ADGRE1: variants seen among roughly 807,000 people sequenced by gnomAD.
The protein encoded by ADGRE1 is adhesion G protein-coupled receptor E1, also known as EGF-like module receptor 1.
In ADGRE1, 82 loss-of-function variants were observed where a neutral mutation model predicts 102.7. That is an observed-to-expected ratio of 0.80 (90% CI 0.67 to 0.96). The LOEUF (loss-of-function observed/expected upper bound fraction) is 0.96, where lower values mean the gene tolerates loss of function less well. ADGRE1 is among the 40% of genes least tolerant of loss of function. ADGRE1 has a pLI of 0.00. For missense variants in ADGRE1, 1,032 were observed against 1,085.3 expected, an observed-to-expected ratio of 0.95 and a Z score of 0.69; for synonymous variants, 398 against 399.6, an observed-to-expected ratio of 1.00 and a Z score of 0.05.
chr19:6,908,846 C>G, intron 10 of ADGRE1, 74 bp downstream of exon 10: 1 of 1,418,174 alleles, frequency 7.1e-7, no homozygotes. Context: ...AGAAAGATGT[C>G]TTTATGGCTG....
intron 9 of ADGRE1, 134 bp downstream of exon 9, chr19:6,906,655 G>A: frequency 4.3e-6 from 3 of 698,954 alleles, no homozygotes; most frequent in Non-Finnish European, 7.4e-6. Context: ...TTTCTCCTCT[G>A]TAACCTGCTG....
At chr19:6,932,737 C>G (rs1317869740) in intron 17 of ADGRE1, among the ~76,000 whole-genome samples, 1 of 152,164 alleles carries the variant, frequency 6.6e-6, no homozygotes, top group African/African-American at 2.4e-5. Flanking sequence ...CTTTTTCCTG[C>G]CTGCTCGGCC....
intron 2 of ADGRE1, among the ~76,000 whole-genome samples, chr19:6,891,768 A>G (rs987531427): frequency 6.6e-6 from 1 of 152,034 alleles, no homozygotes; most frequent in East Asian, 1.9e-4. Flanking sequence ...GACTTTTTCA[A>G]AAGGGCTTTA....
chr19:6,924,596 C>A, intron 14 of ADGRE1, 82 bp from the exon 15 acceptor site: 2 of 1,342,278 alleles, frequency 1.5e-6, no homozygotes, highest in Non-Finnish European at 2.1e-6. Flanking sequence ...TTGCCCGAGC[C>A]AGGGTTTTAG....
intron 8 of ADGRE1, among the ~76,000 whole-genome samples, chr19:6,904,630 T>C (rs4807913): frequency 0.37 from 55,854 of 151,148 alleles, 12,128 homozygotes; most frequent in African/African-American, 0.6. Context: ...CTCAGCCTCC[T>C]GAGTAGCTGG....
At position 6,940,056 on chromosome 19, in the gene ADGRE1, A is replaced by G. The variant is rs533255937; in HGVS notation, c.*27A>G. 7 of 1,612,880 alleles carry G rather than the reference A, an allele frequency of 4.3e-6. No homozygotes were observed. The highest frequency in any genetic ancestry group is 1.3e-5 in the African/African-American group (1 of 75,006). On this transcript the variant is annotated 3_prime_UTR_variant, in exon 21 of 21. Transcript: ENST00000312053. Reference sequence around the variant, plus strand: ...GTCCTTTCTTGCTTTCAAATATGCTATGGAGCCACAGTTGAGGACAGTAGT... The same window carrying G: ...GTCCTTTCTTGCTTTCAAATATGCTGTGGAGCCACAGTTGAGGACAGTAGT...
chr19:6,937,637 G>A lies in ADGRE1; in HGVS notation c.2644G>A (p.Ala882Thr), dbSNP rs771836933. 3.8e-5 allele frequency: 61 copies of A among 1,613,892 alleles called. No homozygotes were observed. The Admixed American group carries it at 4.0e-4, about 11-fold the overall frequency. Residue 882 changes from alanine (A) to threonine (T), a missense_variant, in exon 20 of 21, where the codon GCT becomes ACT. Physicochemically the swap from Ala to Thr is moderately conservative, Grantham distance 58 (BLOSUM62 0). Coordinates refer to ENST00000312053, the MANE Select transcript of ADGRE1 (RefSeq NM_001974.5). ...GATCTTGCTGTCCTCCATGCCATCC[G>A]CTTCCAAGACGGTGAGAGACTGCAT... Reference protein sequence around the residue: ...SRILLSSMPSASKTG With the variant: ...SRILLSSMPSTSKTG
chr19:6,932,884 A>G (rs1975222968), intron 17 of ADGRE1, among the ~76,000 whole-genome samples: 1 of 152,206 alleles, frequency 6.6e-6, no homozygotes, highest in Non-Finnish European at 1.5e-5. Flanking sequence ...CATTGCCAAG[A>G]GTGCAGTAAA....
chr19:6,920,381 G>A (rs1211456325), intron 13 of ADGRE1, among the ~76,000 whole-genome samples: 11 of 151,636 alleles, frequency 7.3e-5, no homozygotes, highest in Admixed American at 2.6e-4. Context: ...CACCATGACC[G>A]GCTAATTTTT....
At chr19:6,930,527 A>G (rs1413721963) in intron 17 of ADGRE1, among the ~76,000 whole-genome samples, 1 of 152,254 alleles carries the variant, frequency 6.6e-6, no homozygotes, top group African/African-American at 2.4e-5. Context: ...CAGAATACAT[A>G]ATAATCACAT....
chr19:6,932,412 G>A (rs982400940), intron 17 of ADGRE1, among the ~76,000 whole-genome samples: 3 of 152,112 alleles, frequency 2.0e-5, no homozygotes, highest in Non-Finnish European at 4.4e-5. Context: ...AGCTTGCAGT[G>A]AGCCGAGATG....
chr19:6,926,643 G>A (rs751917541), intron 16 of ADGRE1, 42 bp downstream of exon 16: 2 of 1,595,298 alleles, frequency 1.3e-6, no homozygotes, highest in East Asian at 2.2e-5. Context: ...CTGCTGCCAG[G>A]GCTTATGGTG....
At chr19:6,938,167 A>G (rs8100485) in intron 20 of ADGRE1, among the ~76,000 whole-genome samples, 105,752 of 151,654 alleles carry the variant, frequency 0.7, 37,126 homozygotes, top group Non-Finnish European at 0.74. Flanking sequence ...CAAAACCCCC[A>G]TCTCTATTAA....
intron 12 of ADGRE1, 107 bp from the exon 13 acceptor site, chr19:6,919,441 T>G: frequency 1.6e-6 from 1 of 618,522 alleles, no homozygotes; most frequent in Middle Eastern, 4.7e-4. Context: ...CCTCCCTCCC[T>G]CTGTGTGTGT....
chr19:6,907,513 T>G (rs1974011479), intron 9 of ADGRE1, among the ~76,000 whole-genome samples: 1 of 152,032 alleles, frequency 6.6e-6, no homozygotes, highest in South Asian at 2.1e-4. Context: ...CTAATTTTTG[T>G]GTTTTTAGTA....
intron 12 of ADGRE1, among the ~76,000 whole-genome samples, chr19:6,917,600 T>C (rs894059206): frequency 2.4e-4 from 36 of 151,856 alleles, no homozygotes; most frequent in African/African-American, 8.5e-4. Flanking sequence ...ATGAGCCTGG[T>C]GTGGTGGCGG....
chr19:6,896,154 C>CTT, intron 2 of ADGRE1: 2 of 419,284 alleles, frequency 4.8e-6, no homozygotes, highest in Non-Finnish European at 8.7e-6. Context: ...CTTATAAGGA[C>CTT]ACCTGTGGCC....
chr19:6,922,993 C>T (rs566759162), intron 14 of ADGRE1, among the ~76,000 whole-genome samples: 2 of 152,250 alleles, frequency 1.3e-5, no homozygotes, highest in East Asian at 1.9e-4. Flanking sequence ...GGGAGAATGG[C>T]GTGAACCCGG....
chr19:6,891,494 C>T (rs1363929455), intron 2 of ADGRE1, among the ~76,000 whole-genome samples: 3 of 150,860 alleles, frequency 2.0e-5, no homozygotes, highest in African/African-American at 7.3e-5. Flanking sequence ...CGCTCTGTTG[C>T]CCAGGCTGGA....
Sources: allele counts gnomAD v4.1 joint callset (sites outside exome capture counted in the v4.1 genomes callset), GRCh38; gene constraint gnomAD v4.1.1; transcripts MANE v1.5; gene names NCBI Gene and HGNC (gene_info 2026-07-23, HGNC 2026-07-21).